Variants in NCOR2 observed in about 807,000 individuals in gnomAD.
NCOR2 encodes CTG repeat protein 26.
In NCOR2, 81 loss-of-function variants were observed where a neutral mutation model predicts 262.9. That is an observed-to-expected ratio of 0.31 (90% CI 0.26 to 0.37). The LOEUF (loss-of-function observed/expected upper bound fraction) is 0.37, where lower values mean the gene tolerates loss of function less well. Ranked by LOEUF, NCOR2 falls within the 10% of genes least tolerant of loss-of-function variation. The pLI is 1.00. For synonymous variants in NCOR2, 1,659 were observed against 1,559.3 expected (o/e 1.06, Z -1.51); for missense variants, 3,385 against 3,621.4 (o/e 0.93, Z 1.68).
Position 124,395,761 on chromosome 12 carries a change from A to G in NCOR2, c.1876+2358T>C, listed in dbSNP as rs181237311. Among the ~76,000 whole-genome samples, 969 of 152,196 alleles carry G rather than the reference A, an allele frequency of 6.4e-3. 9 individuals are homozygous for G. The highest frequency in any genetic ancestry group is 6.8e-3 in the Non-Finnish European group (463 of 67,980). ...ACACGAGACACGAGAAGGGATGGAG[A>G]GGCGGTGGGACCCTGGGCTGACCGT... On this transcript the variant is annotated intron_variant, in intron 16 of 46. Transcript: ENST00000405201.
chr12:124,349,754 A>C (rs2037275911), intron 28 of NCOR2, among the ~76,000 whole-genome samples: 1 of 152,170 alleles, frequency 6.6e-6, no homozygotes, highest in Non-Finnish European at 1.5e-5. Flanking sequence ...GACTCTACCC[A>C]GTGACCTCTC....
At chr12:124,516,217 C>T (rs1263930011) in intron 1 of NCOR2, among the ~76,000 whole-genome samples, 1 of 152,228 alleles carries the variant, frequency 6.6e-6, no homozygotes, top group African/African-American at 2.4e-5. Flanking sequence ...ACTGGCCCAG[C>T]ATCCGGTGTC....
intron 1 of NCOR2, among the ~76,000 whole-genome samples, chr12:124,507,623 G>A (rs2049123392): frequency 6.6e-6 from 1 of 152,246 alleles, no homozygotes; most frequent in South Asian, 2.1e-4. Flanking sequence ...CCTCGGAAGC[G>A]CCCGATAAGC....
intron 1 of NCOR2, chr12:124,529,641 T>C (rs1196670979): frequency 6.6e-6 from 1 of 152,272 alleles, no homozygotes; most frequent in East Asian, 1.9e-4. Flanking sequence ...AGAGCTAGCG[T>C]TGGCAGACAC....
chr12:124,431,654 CACACAAGTCACACAGGCAG>C (rs974309628), intron 8 of NCOR2, among the ~76,000 whole-genome samples: 1 of 150,364 alleles, frequency 6.7e-6, no homozygotes, highest in African/African-American at 2.5e-5. Flanking sequence ...CATACAGGCA[CACACAAGTCACACAGGCAG>C]ACACACAGAT....
At chr12:124,372,122 C>T (rs569531615) in exon 20 of NCOR2, 2 of 1,601,806 alleles carry the variant, frequency 1.2e-6, no homozygotes, top group African/African-American at 1.3e-5. Flanking sequence ...GCTGTGGTGG[C>T]CCTGCCGCTC....
chr12:124,364,655 G>T (rs2038880212), intron 20 of NCOR2, among the ~76,000 whole-genome samples: 1 of 152,188 alleles, frequency 6.6e-6, no homozygotes, highest in Non-Finnish European at 1.5e-5. Context: ...AGCCTTCCAG[G>T]ATTTCTAAGT....
chr12:124,420,926 C>T (rs749326465), intron 12 of NCOR2, among the ~76,000 whole-genome samples: 17 of 152,256 alleles, frequency 1.1e-4, no homozygotes, highest in African/African-American at 2.7e-4. Context: ...CAAGTACGAC[C>T]GCCAGGGGGG....
intron 23 of NCOR2, among the ~76,000 whole-genome samples, chr12:124,356,398 T>C (rs1237260651): frequency 6.6e-6 from 1 of 152,222 alleles, no homozygotes; most frequent in African/African-American, 2.4e-5. Flanking sequence ...GCTCCCACTC[T>C]AAGCCTGCCC....
chr12:124,341,705 A>ACACAAGGTGACC lies in NCOR2; in HGVS notation c.5188+106_5188+117dup, dbSNP rs1371061064. The ACACAAGGTGACC allele has an allele frequency of 4.6e-5, 67 of 1,464,074 alleles. 1 individual carries two copies. In the South Asian group the frequency reaches 7.3e-4, roughly 16 times the overall value. The allele number at this position is 1,464,074 out of a possible 1,614,324, so 90.7% of individuals were successfully genotyped here. ...CCAGGCCACCCACTCAGGTCCGTTC[A>ACACAAGGTGACC]CACAAGGTGACCCACAAGGTGACCA... On this transcript the variant is annotated intron_variant, in intron 34 of 46. Transcript: ENST00000405201.
At chr12:124,473,175 C>T (rs755560226) in intron 3 of NCOR2, 44 bp from the exon 6 acceptor site, 3 of 1,602,564 alleles carry the variant, frequency 1.9e-6, no homozygotes, top group Non-Finnish European at 1.7e-6. Flanking sequence ...ACAGGGGACA[C>T]CCCCCAGTCT....
At chr12:124,401,857 G>T (rs912564791) in intron 14 of NCOR2, among the ~76,000 whole-genome samples, 7 of 152,146 alleles carry the variant, frequency 4.6e-5, no homozygotes, top group Admixed American at 4.6e-4. Context: ...AAGTCGTGCC[G>T]CCCCCCTTTC....
intron 38 of NCOR2, chr12:124,336,053 C>G (rs535914267): frequency 5.4e-6 from 1 of 183,626 alleles, no homozygotes; most frequent in Non-Finnish European, 1.1e-5. Flanking sequence ...GCTATAGCCT[C>G]GGCCATCCCA....
At chr12:124,331,696 C>T (rs2035214527) in intron 43 of NCOR2, 1 of 155,028 alleles carries the variant, frequency 6.5e-6, no homozygotes, top group Admixed American at 6.3e-5. Flanking sequence ...CCTCCTGCCT[C>T]ATCCTCCCAA....
intron 19 of NCOR2, 22 bp downstream of exon 21, chr12:124,374,391 G>T (rs1438208947): frequency 5.0e-6 from 8 of 1,611,474 alleles, no homozygotes; most frequent in Middle Eastern, 1.7e-4. Context: ...CTACCCCCCA[G>T]GCCAGCCGGC....
chr12:124,348,137 G>C (rs184015878), intron 29 of NCOR2, 37 bp downstream of exon 31: 1 of 1,604,868 alleles, frequency 6.2e-7, no homozygotes, highest in African/African-American at 1.3e-5. Flanking sequence ...CGCCCACCAG[G>C]GGGCACCGAG....
At chr12:124,510,542 G>A (rs1176144478) in intron 1 of NCOR2, among the ~76,000 whole-genome samples, 2 of 152,216 alleles carry the variant, frequency 1.3e-5, no homozygotes, top group Non-Finnish European at 2.9e-5. Flanking sequence ...CTTGCCCAAG[G>A]TCACACAGCC....
intron 1 of NCOR2, among the ~76,000 whole-genome samples, chr12:124,563,524 C>G (rs1212755754): frequency 1.3e-5 from 2 of 152,274 alleles, no homozygotes; most frequent in African/African-American, 4.8e-5. Context: ...CAGGGCCTCA[C>G]TGAGCAGAAG....
upstream of NCOR2, chr12:124,539,712 C>T (rs1328191665): frequency 6.6e-6 from 1 of 152,594 alleles, no homozygotes; most frequent in African/African-American, 2.4e-5. The surrounding 1 kb of genome is among the most constrained non-coding windows in gnomAD (Gnocchi z 5.1). Context: ...CCAGCACCCC[C>T]CTTGTCAGCT....
Sources: gnomAD v4.1 joint callset for allele counts (sites outside exome capture counted in the v4.1 genomes callset) on GRCh38, gnomAD v4.1.1 for gene constraint, Gnocchi (gnomAD v3.1) non-coding constraint, MANE v1.5 for transcripts, NCBI Gene and HGNC (gene_info 2026-07-23, HGNC 2026-07-21) for gene names.